Variants in FRK observed in about 807,000 individuals in gnomAD.
The protein encoded by FRK is fyn related Src family tyrosine kinase.
In FRK, 51 loss-of-function variants were observed where a neutral mutation model predicts 56.4. That is an observed-to-expected ratio of 0.90 (90% CI 0.72 to 1.14). The LOEUF (loss-of-function observed/expected upper bound fraction) is 1.14, where lower values mean the gene tolerates loss of function less well. FRK is among the 50% of genes most tolerant of loss of function. FRK has a pLI of 0.00. For missense variants in FRK, 570 were observed against 601.4 expected, an observed-to-expected ratio of 0.95 and a Z score of 0.55; for synonymous variants, 245 against 217.9, an observed-to-expected ratio of 1.12 and a Z score of -1.10.
At chr6:116,005,996 A>C (rs1775233972) in intron 1 of FRK, among the ~76,000 whole-genome samples, 2 of 152,296 alleles carry the variant, frequency 1.3e-5, no homozygotes, top group Admixed American at 6.5e-5. Flanking sequence ...AGACATACAA[A>C]CCTTAGGGAA....
rs1391653045 is a variant in FRK at position 115,956,608 on chromosome 6, A to T, written c.802T>A (p.Ser268Thr). Residue 268 changes from serine (S) to threonine (T), a missense_variant and splice_region_variant, in exon 5 of 8, where the codon TCA (serine) becomes ACA (threonine). Ser to Thr is a moderately conservative substitution (Grantham distance 58, BLOSUM62 1). Transcript: ENST00000606080. ...PVAVKTLKPG[S>T]MDPNDFLREA... ...CTCAGGAAGTCATTTGGATCCATTG[A>T]ACCTGAAACAAGAAGAGGGAGAAAT... The T allele has an allele frequency of 6.5e-7, 1 of 1,546,780 alleles. No homozygotes were observed.
intron 1 of FRK, among the ~76,000 whole-genome samples, chr6:116,020,374 C>A (rs950871441): frequency 1.3e-5 from 2 of 152,060 alleles, no homozygotes; most frequent in African/African-American, 4.8e-5. Context: ...TCACTGCAAC[C>A]TCCACCTCCT....
chr6:116,049,772 A>G (rs1363782712), intron 1 of FRK, among the ~76,000 whole-genome samples: 1 of 152,236 alleles, frequency 6.6e-6, no homozygotes, highest in Non-Finnish European at 1.5e-5. Flanking sequence ...ACATAATGGT[A>G]TGCTCTCAGT....
chr6:116,064,632 C>G (rs1777724593), upstream of FRK, among the ~76,000 whole-genome samples: 1 of 152,128 alleles, frequency 6.6e-6, no homozygotes, highest in African/African-American at 2.4e-5. Flanking sequence ...CCTTTCCTCT[C>G]TTATTGCTCC....
intron 1 of FRK, among the ~76,000 whole-genome samples, chr6:116,046,718 C>A (rs1374001875): frequency 1.3e-5 from 2 of 151,990 alleles, no homozygotes; most frequent in African/African-American, 2.4e-5. Flanking sequence ...AACCATGGCA[C>A]GTGTATACCT....
chr6:116,063,413 G>A (rs1006122702), upstream of FRK, among the ~76,000 whole-genome samples: 1 of 151,940 alleles, frequency 6.6e-6, no homozygotes, highest in African/African-American at 2.4e-5. Context: ...GTGACAACAT[G>A]AATGAACCTG....
At chr6:116,092,982 C>A in the FRK span, among the ~76,000 whole-genome samples, 1 of 152,098 alleles carries the variant, frequency 6.6e-6, no homozygotes, top group Admixed American at 6.5e-5. Flanking sequence ...AAAATGGCCA[C>A]CTGAGGGAGG....
intron 2 of FRK, among the ~76,000 whole-genome samples, chr6:115,981,048 A>C (rs1753950595): frequency 6.6e-6 from 1 of 152,162 alleles, no homozygotes; most frequent in South Asian, 2.1e-4. Flanking sequence ...ACATGCACAA[A>C]TGAAAAGATA....
At chr6:116,039,163 A>G in intron 1 of FRK, 1 of 1,083,214 alleles carries the variant, frequency 9.2e-7, no homozygotes, top group Non-Finnish European at 1.4e-6. Flanking sequence ...GGGAAGTGGC[A>G]TCACTGAGAA....
chr6:115,946,130 C>T (rs934344675), intron 5 of FRK, among the ~76,000 whole-genome samples: 9 of 152,062 alleles, frequency 5.9e-5, no homozygotes, highest in African/African-American at 1.9e-4. Flanking sequence ...CTTATATATC[C>T]CCGTCTCAAT....
At chr6:115,957,348 T>C (rs1773041698) in intron 4 of FRK, among the ~76,000 whole-genome samples, 1 of 152,218 alleles carries the variant, frequency 6.6e-6, no homozygotes, top group Non-Finnish European at 1.5e-5. Flanking sequence ...AGGTGTCAAG[T>C]AGTTGACATC....
chr6:116,038,777 G>A (rs55874032), intron 1 of FRK: 2 of 494,894 alleles, frequency 4.0e-6, no homozygotes, highest in South Asian at 1.6e-5. Context: ...CAGGAAGTTC[G>A]TTGGGGGGAA....
At chr6:116,000,962 G>A (rs551598411) in intron 2 of FRK, among the ~76,000 whole-genome samples, 15 of 152,280 alleles carry the variant, frequency 9.9e-5, no homozygotes, top group South Asian at 2.1e-4. Context: ...AGCTTGGGCC[G>A]GGCGTGGTGG....
At chr6:116,070,733 C>T in the FRK span, among the ~76,000 whole-genome samples, 4 of 152,112 alleles carry the variant, frequency 2.6e-5, no homozygotes, top group African/African-American at 9.7e-5. Context: ...AACAAATGCA[C>T]CGTTTCTTAC....
intron 2 of FRK, among the ~76,000 whole-genome samples, chr6:116,000,488 C>A (rs999597481): frequency 6.6e-6 from 1 of 152,006 alleles, no homozygotes; most frequent in Non-Finnish European, 1.5e-5. Context: ...AGTGATCCAC[C>A]CAGCTCGGCC....
rs199982973 is a variant in FRK, at chr6:115,944,353, T to C, written c.1031A>G (p.Tyr344Cys). ...GTGAATGTAGTTCCGAGACTCCAGA[T>C]AGGCCATTCCAGAGGCAACCTGTGC... ...MAAQVASGMA[Y>C]LESRNYIHRD... The change falls in exon 6 of 8, where the codon TAT becomes TGT. Residue 344 changes from tyrosine to cysteine, a missense_variant. Tyr to Cys is a radical substitution (Grantham distance 194, BLOSUM62 -2). Coordinates refer to ENST00000606080, the MANE Select transcript of FRK (RefSeq NM_002031.3). 4.5e-5 allele frequency: 73 copies of C among 1,612,960 alleles called. 2 individuals carry two copies. Among genetic ancestry groups the C allele is most frequent in the Non-Finnish European group, 5.9e-5 (70 of 1,179,620 alleles).
At chr6:116,041,464 G>A (rs928752194) in intron 1 of FRK, among the ~76,000 whole-genome samples, 2 of 152,162 alleles carry the variant, frequency 1.3e-5, no homozygotes, top group South Asian at 4.1e-4. Flanking sequence ...TGCGCAAGAT[G>A]GCTGAATAGG....
intron 2 of FRK, among the ~76,000 whole-genome samples, chr6:115,992,284 C>T (rs1371839289): frequency 2.0e-5 from 3 of 151,530 alleles, no homozygotes; most frequent in African/African-American, 4.8e-5. Context: ...CCTGTAATGC[C>T]CTCCCTTATA....
rs543479018 is a variant in FRK at position 116,043,924 on chromosome 6, G to A, written c.344+16044C>T. 6.6e-5 allele frequency among the ~76,000 whole-genome samples: 10 copies of A among 152,182 alleles called. No homozygotes were observed. In the South Asian group the frequency reaches 2.1e-3, roughly 32 times the overall value. On this transcript the variant is annotated intron_variant, in intron 1 of 7. Transcript: ENST00000606080. Reference sequence around the variant, plus strand: ...GGATATCACCACTGATCCCACAGAAGTACAAAATGCCCTCAGAGAATACTA... The same window carrying A: ...GGATATCACCACTGATCCCACAGAAATACAAAATGCCCTCAGAGAATACTA...
Sources: allele counts gnomAD v4.1 joint callset (sites outside exome capture counted in the v4.1 genomes callset), GRCh38; gene constraint gnomAD v4.1.1; transcripts MANE v1.5; gene names NCBI Gene and HGNC (gene_info 2026-07-23, HGNC 2026-07-21).